NHLRC1: variants seen among roughly 807,000 people sequenced by gnomAD.
NHLRC1 encodes the protein E3 ubiquitin-protein ligase NHLRC1.
A neutral mutation model predicts 14.6 loss-of-function variants in NHLRC1; 10 were observed. That is an observed-to-expected ratio of 0.69 (90% confidence interval 0.42 to 1.17). The LOEUF (loss-of-function observed/expected upper bound fraction) is 1.17, where lower values mean the gene tolerates loss of function less well. Among genes scored for constraint, NHLRC1 ranks in the 50% most tolerant of loss-of-function variants. The probability of loss-of-function intolerance (pLI) is 0.00; values close to 1 mark genes in which losing one functional copy is unlikely to be tolerated. For synonymous variants in NHLRC1, 231 were observed against 224.0 expected (o/e 1.03, Z -0.28); for missense variants, 526 against 522.9 (o/e 1.01, Z -0.06).
Position 18,122,125 on chromosome 6 carries a change from G to A in NHLRC1, c.482C>T (p.Ala161Val). The stretch of plus-strand genomic sequence containing the variant: ...GTCCCCCTTCTCTCCAAACTGATGC[G>A]CGCATCCTCCCCCTGAGTCAAAAAT... Reference protein sequence around the residue: ...VKIFDSGGGCAHQFGEKGDAA... With the variant: ...VKIFDSGGGCVHQFGEKGDAA... The change falls in exon 1 of 1, where the codon GCG (alanine) becomes GTG (valine). Residue 161 changes from alanine (A) to valine (V), a missense_variant. Physicochemically the swap from Ala to Val is moderately conservative, Grantham distance 64. Transcript: ENST00000340650. 1 of 1,613,936 alleles carries A rather than the reference G, an allele frequency of 6.2e-7. No homozygotes were observed. The highest frequency in any genetic ancestry group is 8.5e-7 in the Non-Finnish European group (1 of 1,180,026).
In NHLRC1 at chr6:18,122,501, G is replaced by C. The variant is rs866168324; in HGVS notation, c.106C>G (p.Arg36Gly). 6.3e-7 allele frequency: 1 copy of C among 1,597,398 alleles called. No individual in the cohort carries two copies. Among genetic ancestry groups the C allele is most frequent in the East Asian group, 2.2e-5 (1 of 44,838 alleles). The change falls in exon 1 of 1, where the codon CGG (arginine) becomes GGG (glycine). Residue 36 changes from arginine (R) to glycine (G), a missense_variant. Transcript: ENST00000340650. Reference sequence around the variant, plus strand: ...AGGTTGCGCGGGCGCCGCTGCTGCCGGTGGCCAAACTTCTCAAAGCACACC... The same window carrying C: ...AGGTTGCGCGGGCGCCGCTGCTGCCCGTGGCCAAACTTCTCAAAGCACACC... ...CKVCFEKFGH[R>G]QQRRPRNLSC...
At position 18,121,570 on chromosome 6, in the gene NHLRC1, A is replaced by C; in HGVS notation, c.1037T>G (p.Leu346Ter). 1 of 1,614,240 alleles carries C rather than the reference A, an allele frequency of 6.2e-7. No homozygotes were observed. Among genetic ancestry groups the C allele is most frequent in the South Asian group, 1.1e-5 (1 of 91,092 alleles). ...ADTSGPAILC[L>*]GKPEEFPVPK... The stretch of plus-strand genomic sequence containing the variant: ...TACTGGAAACTCCTCAGGTTTTCCT[A>C]AGCAAAGGATAGCTGGACCAGATGT... The change falls in exon 1 of 1, where the codon TTA becomes TGA. Residue 346 changes from leucine (L) to a stop codon, truncating the protein, a stop_gained. Coordinates refer to ENST00000340650, the MANE Select transcript of NHLRC1 (RefSeq NM_198586.3). LOFTEE classifies it high-confidence loss of function. The surrounding 1 kb of genome is among the most constrained non-coding windows in gnomAD (Gnocchi z 4.7).
At position 18,120,442 on chromosome 6, in the gene NHLRC1, G is replaced by A. The variant is rs984321151; in HGVS notation, c.*977C>T. ...TAGGCCTTTCTCAAACAACCAAGTG[G>A]TATTTTCTGAGTTTGTATAGTGGAG... On this transcript the variant is annotated 3_prime_UTR_variant, in exon 1 of 1. Transcript: ENST00000340650. 1 of 152,198 alleles carries A rather than the reference G, an allele frequency of 6.6e-6. No homozygotes were observed. The highest frequency in any genetic ancestry group is 6.5e-5 in the Admixed American group (1 of 15,286). The allele number at this position is 152,198 out of a possible 1,614,324, so 9.4% of individuals were successfully genotyped here. A position where few individuals can be genotyped will look rare whatever the true frequency, so the allele number is the denominator to read the frequency against.
rs1421774130 is a variant in NHLRC1, at chr6:18,122,292, G to T, written c.315C>A (p.Arg105=). The change falls in exon 1 of 1, where the codon CGC becomes CGA. Residue 105 remains arginine (R), a synonymous_variant. Coordinates refer to ENST00000340650, the MANE Select transcript of NHLRC1 (RefSeq NM_198586.3). The part of the protein sequence containing the change: ...SALRQSPAAH[R]AAPSAPGALT... ...GGGCTCCGGGGGCGCTGGGGGCGGC[G>T]CGATGGGCGGCCGGGGACTGGCGAA... 1 of 1,595,134 alleles carries T rather than the reference G, an allele frequency of 6.3e-7. No homozygotes were observed. The highest frequency in any genetic ancestry group is 1.1e-5 in the South Asian group (1 of 90,584).
Position 18,121,149 on chromosome 6 carries a change from G to A in NHLRC1, c.*270C>T. On this transcript the variant is annotated 3_prime_UTR_variant, in exon 1 of 1. Transcript: ENST00000340650. This position sits in a 1 kb window ranked among gnomAD's most constrained non-coding sequence, Gnocchi z 4.7. ...CATGCTTCTGCACTCCAGCCTGGGT[G>A]ACAGAGCTTGACTCTATCTTGGGGG... The A allele has an allele frequency of 2.1e-6, 1 of 465,954 alleles. No individual in the cohort carries two copies. Among genetic ancestry groups the A allele is most frequent in the African/African-American group, 2.0e-5 (1 of 51,078 alleles). 28.9% of individuals were successfully genotyped at this position (465,954 alleles called of 1,614,324 possible).
chr6:18,121,825 A>T lies in NHLRC1; in HGVS notation c.782T>A (p.Leu261Gln). ...CACTGCCACCCCTCGGGGATTGCAC[A>T]GATGAGCTTGCAACCTTTCAGTTCT... Reference protein sequence around the residue: ...LRRTERLQAHLCNPRGVAVSW... With the variant: ...LRRTERLQAHQCNPRGVAVSW... Residue 261 changes from leucine to glutamine, a missense_variant, in exon 1 of 1, where the codon CTG becomes CAG. Transcript: ENST00000340650. This position sits in a 1 kb window ranked among gnomAD's most constrained non-coding sequence, Gnocchi z 4.7. 1 of 1,614,096 alleles carries T rather than the reference A, an allele frequency of 6.2e-7. No individual in the cohort carries two copies. The highest frequency in any genetic ancestry group is 8.5e-7 in the Non-Finnish European group (1 of 1,180,040).
In NHLRC1 at chr6:18,120,529, T is replaced by C. The variant is rs1783713807; in HGVS notation, c.*890A>G. The C allele has an allele frequency of 1.3e-5, 2 of 152,244 alleles. No homozygotes were observed. Among genetic ancestry groups the C allele is most frequent in the Non-Finnish European group, 1.5e-5 (1 of 68,048 alleles). The allele number at this position is 152,244 out of a possible 1,614,324, so 9.4% of individuals were successfully genotyped here. On this transcript the variant is annotated 3_prime_UTR_variant, in exon 1 of 1. Coordinates refer to ENST00000340650, the MANE Select transcript of NHLRC1 (RefSeq NM_198586.3). ...ATAAGCAGTTCAATTGTTTTTCTTATTCACGTAACTCAGGATCAACAGTAA... is the reference window on the plus strand; with the variant it reads ...ATAAGCAGTTCAATTGTTTTTCTTACTCACGTAACTCAGGATCAACAGTAA...
rs1239283601 is a variant in NHLRC1, at chr6:18,121,551, A to G, written c.1056T>C (p.Phe352=). Residue 352 remains phenylalanine (F), a synonymous_variant, in exon 1 of 1, where the codon TTT becomes TTC. Coordinates refer to ENST00000340650, the MANE Select transcript of NHLRC1 (RefSeq NM_198586.3). This position sits in a 1 kb window ranked among gnomAD's most constrained non-coding sequence, Gnocchi z 4.7. The part of the protein sequence containing the change: ...AILCLGKPEE[F]PVPKPMVTHG... Reference sequence around the variant, plus strand: ...GAGTGACCATGGGCTTCGGTACTGGAAACTCCTCAGGTTTTCCTAAGCAAA... The same window carrying G: ...GAGTGACCATGGGCTTCGGTACTGGGAACTCCTCAGGTTTTCCTAAGCAAA... The G allele has an allele frequency of 6.2e-7, 1 of 1,614,096 alleles. No homozygotes were observed. The highest frequency in any genetic ancestry group is 2.2e-5 in the East Asian group (1 of 44,886).
chr6:18,121,487 C>G lies in NHLRC1; in HGVS notation c.1120G>C (p.Glu374Gln), dbSNP rs771702699. The G allele has an allele frequency of 6.2e-7, 1 of 1,614,174 alleles. No individual in the cohort carries two copies. Among genetic ancestry groups the G allele is most frequent in the Admixed American group, 1.7e-5 (1 of 60,028 alleles). The part of the protein sequence containing the change: ...SHPVALTFTK[E>Q]NSLLVLDTAS... Reference sequence around the variant, plus strand: ...GTGTCCAGCACAAGAAGAGAATTCTCCTTGGTGAAGGTAAGAGCCACAGGA... The same window carrying G: ...GTGTCCAGCACAAGAAGAGAATTCTGCTTGGTGAAGGTAAGAGCCACAGGA... Residue 374 changes from glutamate to glutamine, a missense_variant, in exon 1 of 1, where the codon GAG becomes CAG. Physicochemically the swap from Glu to Gln is conservative, Grantham distance 29. Coordinates refer to ENST00000340650, the MANE Select transcript of NHLRC1 (RefSeq NM_198586.3). This position sits in a 1 kb window ranked among gnomAD's most constrained non-coding sequence, Gnocchi z 4.7.
Position 18,122,271 on chromosome 6 carries a change from T to C in NHLRC1, c.336A>G (p.Gly112=), listed in dbSNP as rs779392254. The C allele has an allele frequency of 2.6e-5, 42 of 1,604,122 alleles. No individual in the cohort carries two copies. In the South Asian group the frequency reaches 4.2e-4, roughly 16 times the overall value. The part of the protein sequence containing the change: ...AAHRAAPSAP[G]ALTCHHTFGG... ...CGAAGGTGTGGTGGCAGGTGAGGGC[T>C]CCGGGGGCGCTGGGGGCGGCGCGAT... Residue 112 remains glycine, a synonymous_variant, in exon 1 of 1, where the codon GGA becomes GGG. Coordinates refer to ENST00000340650, the MANE Select transcript of NHLRC1 (RefSeq NM_198586.3).
At position 18,122,181 on chromosome 6, in the gene NHLRC1, C is replaced by T; in HGVS notation, c.426G>A (p.Val142=). 1 of 1,613,230 alleles carries T rather than the reference C, an allele frequency of 6.2e-7. No homozygotes were observed. The highest frequency in any genetic ancestry group is 8.5e-7 in the Non-Finnish European group (1 of 1,180,024). ...CACGCCTCCTGCCGTCGTGCACCAC[C>T]ACGACACGCCCCGTCTTGGGACAAA... The part of the protein sequence containing the change: ...LALCPKTGRV[V]VVHDGRRRVK... The change falls in exon 1 of 1, where the codon GTG becomes GTA. Residue 142 remains valine, a synonymous_variant. Coordinates refer to ENST00000340650, the MANE Select transcript of NHLRC1 (RefSeq NM_198586.3).
rs891004498 is a variant in NHLRC1 at position 18,122,039 on chromosome 6, C to T, written c.568G>A (p.Val190Ile). ...VTITNDCHVV[V>I]TDAGDRSIKV... ...ATGGAGCGATCGCCGGCGTCAGTGA[C>T]AACCACATGGCAGTCGTTGGTGATG... Residue 190 changes from valine to isoleucine, a missense_variant, in exon 1 of 1, where the codon GTC (valine) becomes ATC (isoleucine). Coordinates refer to ENST00000340650, the MANE Select transcript of NHLRC1 (RefSeq NM_198586.3). 6.2e-7 allele frequency: 1 copy of T among 1,614,114 alleles called. No individual in the cohort carries two copies. Among genetic ancestry groups the T allele is most frequent in the African/African-American group, 1.3e-5 (1 of 74,938 alleles).
chr6:18,121,636 G>A lies in NHLRC1; in HGVS notation c.971C>T (p.Ala324Val). Residue 324 changes from alanine (A) to valine (V), a missense_variant, in exon 1 of 1, where the codon GCT (alanine) becomes GTT (valine). Ala to Val is a moderately conservative substitution (Grantham distance 64). Coordinates refer to ENST00000340650, the MANE Select transcript of NHLRC1 (RefSeq NM_198586.3). The surrounding 1 kb of genome is among the most constrained non-coding windows in gnomAD (Gnocchi z 4.7). Reference sequence around the variant, plus strand: ...ATTTCCCTGGTGATCAAAGGTCACAGCGGAGGCAGTTATTTTGGAGGGAAA... The same window carrying A: ...ATTTCCCTGGTGATCAAAGGTCACAACGGAGGCAGTTATTTTGGAGGGAAA... ...LYFPSKITAS[A>V]VTFDHQGNVI... 1 of 1,614,202 alleles carries A rather than the reference G, an allele frequency of 6.2e-7. No individual in the cohort carries two copies. Among genetic ancestry groups the A allele is most frequent in the Middle Eastern group, 1.6e-4 (1 of 6,062 alleles).
Position 18,121,156 on chromosome 6 carries a change from C to A in NHLRC1, c.*263G>T. ...CTGCACTCCAGCCTGGGTGACAGAG[C>A]TTGACTCTATCTTGGGGGGGAAGAA... On this transcript the variant is annotated 3_prime_UTR_variant, in exon 1 of 1. Transcript: ENST00000340650. The surrounding 1 kb of genome is among the most constrained non-coding windows in gnomAD (Gnocchi z 4.7). 1 of 477,892 alleles carries A rather than the reference C, an allele frequency of 2.1e-6. No individual in the cohort carries two copies. Among genetic ancestry groups the A allele is most frequent in the African/African-American group, 1.9e-5 (1 of 51,362 alleles). 29.6% of individuals were successfully genotyped at this position (477,892 alleles called of 1,614,324 possible).
Position 18,122,336 on chromosome 6 carries a change from C to G in NHLRC1, c.271G>C (p.Glu91Gln), listed in dbSNP as rs761806425. 1 of 1,577,452 alleles carries G rather than the reference C, an allele frequency of 6.3e-7. No individual in the cohort carries two copies. The highest frequency in any genetic ancestry group is 8.6e-7 in the Non-Finnish European group (1 of 1,169,582). ...TGGCGAAGCGCTGAGCCCAGGAGCT[C>G]TATGAGGTGCAGCACCGGCAGGCAG... ...SDCLPVLHLIELLGSALRQSP... is the reference protein window; with the variant it reads ...SDCLPVLHLIQLLGSALRQSP... The change falls in exon 1 of 1, where the codon GAG (glutamate) becomes CAG (glutamine). Residue 91 changes from glutamate to glutamine, a missense_variant. By Grantham distance (29) the Glu-to-Gln change is conservative. Transcript: ENST00000340650.
Position 18,122,378 on chromosome 6 carries a change from C to T in NHLRC1, c.229G>A (p.Gly77Ser), listed in dbSNP as rs779482781. 7.0e-6 allele frequency: 11 copies of T among 1,575,492 alleles called. No homozygotes were observed. Among genetic ancestry groups the T allele is most frequent in the Non-Finnish European group, 7.7e-6 (9 of 1,168,998 alleles). Residue 77 changes from glycine (G) to serine (S), a missense_variant, in exon 1 of 1, where the codon GGC becomes AGC. Physicochemically the swap from Gly to Ser is moderately conservative, Grantham distance 56. Transcript: ENST00000340650. The part of the protein sequence containing the change: ...ECPFCRRACR[G>S]CDTSDCLPVL... ...GGCAGGCAGTCGCTGGTGTCGCAGCCCCGGCAAGCTCGCCTGCAGAATGGG... is the reference window on the plus strand; with the variant it reads ...GGCAGGCAGTCGCTGGTGTCGCAGCTCCGGCAAGCTCGCCTGCAGAATGGG...
chr6:18,121,576 A>G lies in NHLRC1; in HGVS notation c.1031T>C (p.Leu344Pro). 6.2e-7 allele frequency: 1 copy of G among 1,614,210 alleles called. No individual in the cohort carries two copies. Among genetic ancestry groups the G allele is most frequent in the Non-Finnish European group, 8.5e-7 (1 of 1,180,028 alleles). The change falls in exon 1 of 1, where the codon CTT becomes CCT. Residue 344 changes from leucine (L) to proline (P), a missense_variant. Transcript: ENST00000340650. This position sits in a 1 kb window ranked among gnomAD's most constrained non-coding sequence, Gnocchi z 4.7. ...IVADTSGPAI[L>P]CLGKPEEFPV... ...AAACTCCTCAGGTTTTCCTAAGCAA[A>G]GGATAGCTGGACCAGATGTATCTGC...
At position 18,122,095 on chromosome 6, in the gene NHLRC1, G is replaced by A; in HGVS notation, c.512C>T (p.Ala171Val). The A allele has an allele frequency of 6.2e-7, 1 of 1,614,060 alleles. No homozygotes were observed. The change falls in exon 1 of 1, where the codon GCC becomes GTC. Residue 171 changes from alanine (A) to valine (V), a missense_variant. By Grantham distance (64) the Ala-to-Val change is moderately conservative. Transcript: ENST00000340650. ...ATCCACAGGGTACCTAATGTCTTGG[G>A]CAGCGTCCCCCTTCTCTCCAAACTG... ...AHQFGEKGDA[A>V]QDIRYPVDVT...
Position 18,121,671 on chromosome 6 carries a change from C to T in NHLRC1, c.936G>A (p.Leu312=). The change falls in exon 1 of 1, where the codon CTG becomes CTA. Residue 312 remains leucine (L), a synonymous_variant. Transcript: ENST00000340650. The surrounding 1 kb of genome is among the most constrained non-coding windows in gnomAD (Gnocchi z 4.7). The part of the protein sequence containing the change: ...QLVGQVDTFG[L]SLYFPSKITA... Reference sequence around the variant, plus strand: ...TTATTTTGGAGGGAAAGTAGAGGCTCAGCCCAAAGGTATCCACTTGGCCGA... The same window carrying T: ...TTATTTTGGAGGGAAAGTAGAGGCTTAGCCCAAAGGTATCCACTTGGCCGA... 6.2e-7 allele frequency: 1 copy of T among 1,614,114 alleles called. No homozygotes were observed. Among genetic ancestry groups the T allele is most frequent in the Non-Finnish European group, 8.5e-7 (1 of 1,180,038 alleles).
Sources: gnomAD v4.1 joint callset for allele counts on GRCh38, gnomAD v4.1.1 for gene constraint, Gnocchi (gnomAD v3.1) non-coding constraint, MANE v1.5 for transcripts, NCBI Gene and HGNC (gene_info 2026-07-23, HGNC 2026-07-21) for gene names.